TBC1D5: variants seen among roughly 807,000 people sequenced by gnomAD.
TBC1D5 encodes TBC1 domain family member 5, also known as TBC1 domain family, member 5.
In TBC1D5, 75 loss-of-function variants were observed where a neutral mutation model predicts 100.3. The ratio of observed to expected loss-of-function variants is 0.75; its 90% CI spans 0.62 to 0.91. The LOEUF (loss-of-function observed/expected upper bound fraction) is 0.91. Among genes scored for constraint, TBC1D5 ranks in the 40% least tolerant of loss-of-function variants. TBC1D5 has a pLI of 0.00. For synonymous variants in TBC1D5, 323 were observed against 325.6 expected (o/e 0.99, Z 0.09); for missense variants, 910 against 942.4 (o/e 0.97, Z 0.45).
At chr3:17,710,761 A>C (rs2074646768) in intron 1 of TBC1D5, among the ~76,000 whole-genome samples, 1 of 151,934 alleles carries the variant, frequency 6.6e-6, no homozygotes, top group South Asian at 2.1e-4. Flanking sequence ...GCAGTGGCGC[A>C]ATCTCGGCTC....
intron 1 of TBC1D5, among the ~76,000 whole-genome samples, chr3:17,683,762 C>T (rs191737616): frequency 6.6e-6 from 1 of 151,946 alleles, no homozygotes; most frequent in Non-Finnish European, 1.5e-5. Context: ...TTCTTCAACT[C>T]GAAAATGAAC....
intron 15 of TBC1D5, among the ~76,000 whole-genome samples, chr3:17,266,744 C>A (rs2078890724): frequency 6.6e-6 from 1 of 151,978 alleles, no homozygotes; most frequent in Non-Finnish European, 1.5e-5. Context: ...ATTTCAGCAT[C>A]AGGATCAAAA....
At chr3:17,581,986 A>G (rs1229039670) in intron 2 of TBC1D5, among the ~76,000 whole-genome samples, 1 of 152,070 alleles carries the variant, frequency 6.6e-6, no homozygotes, top group East Asian at 1.9e-4. Context: ...CTTTACTCAC[A>G]TGTTACCTTA....
At chr3:17,157,189 T>C (rs2065655400) in exon 22 of TBC1D5, 1 of 152,390 alleles carries the variant, frequency 6.6e-6, no homozygotes. Context: ...TCTTTTATTA[T>C]AACCATATTG....
At chr3:17,286,600 G>C (rs1339651942) in intron 15 of TBC1D5, among the ~76,000 whole-genome samples, 1 of 152,188 alleles carries the variant, frequency 6.6e-6, no homozygotes, top group African/African-American at 2.4e-5. Context: ...ACCATGTGCA[G>C]ACTATAGGAT....
At chr3:17,644,467 C>T (rs2064827175) in intron 1 of TBC1D5, among the ~76,000 whole-genome samples, 1 of 152,100 alleles carries the variant, frequency 6.6e-6, no homozygotes, top group African/African-American at 2.4e-5. Flanking sequence ...ATTCTTCAAA[C>T]TAAAATCACA....
rs144949160 is a variant in TBC1D5, at chr3:17,516,308, C to T, written c.-35-7703G>A. Among the ~76,000 whole-genome samples the T allele has an allele frequency of 5.3e-4, 81 of 152,130 alleles. 2 individuals are homozygous for T. In the East Asian group the frequency reaches 0.015, roughly 29 times the overall value. On this transcript the variant is annotated intron_variant, in intron 2 of 21. Coordinates refer to ENST00000253692, the Ensembl canonical transcript of TBC1D5. ...GAATAAGTTTTTTTTAATGGTTCCC[C>T]TCTATTTATAGCAAGTGCTAATTTG...
At chr3:17,386,729 C>T (rs964233041) in intron 8 of TBC1D5, among the ~76,000 whole-genome samples, 31 of 152,260 alleles carry the variant, frequency 2.0e-4, no homozygotes, top group Middle Eastern at 3.4e-3. Flanking sequence ...GTGCTGGCGT[C>T]TCTGAGCCTA....
chr3:17,556,450 C>T (rs2096521811), intron 2 of TBC1D5, among the ~76,000 whole-genome samples: 1 of 152,186 alleles, frequency 6.6e-6, no homozygotes, highest in Non-Finnish European at 1.5e-5. Context: ...CTCCTCATTG[C>T]TTACCACAGA....
intron 2 of TBC1D5, among the ~76,000 whole-genome samples, chr3:17,620,069 T>A (rs539252088): frequency 6.6e-6 from 1 of 152,274 alleles, no homozygotes; most frequent in African/African-American, 2.4e-5. Flanking sequence ...GAAGGCAAAA[T>A]GTTACAGCCC....
chr3:17,167,649 A>AG, intron 20 of TBC1D5, 100 bp downstream of exon 21: 1 of 1,020,006 alleles, frequency 9.8e-7, no homozygotes, highest in Non-Finnish European at 1.5e-6. Flanking sequence ...AATGAGGGTT[A>AG]GGGGGATGCT....
intron 13 of TBC1D5, among the ~76,000 whole-genome samples, chr3:17,345,805 C>T (rs963016999): frequency 5.3e-5 from 8 of 151,924 alleles, no homozygotes; most frequent in Admixed American, 2.6e-4. Context: ...TCATTCTCAG[C>T]AAACTATCGC....
chr3:17,686,341 TC>T (rs776843378), intron 1 of TBC1D5, among the ~76,000 whole-genome samples: 77 of 152,122 alleles, frequency 5.1e-4, no homozygotes, highest in Non-Finnish European at 8.5e-4. Flanking sequence ...AAATAGTAGA[TC>T]CCAAGTTATG....
At chr3:17,611,591 T>C (rs2061672039) in intron 2 of TBC1D5, among the ~76,000 whole-genome samples, 1 of 152,130 alleles carries the variant, frequency 6.6e-6, no homozygotes, top group African/African-American at 2.4e-5. Context: ...AAGATGAAGA[T>C]GGGGGGACAA....
At chr3:17,485,931 G>T (rs1305390177) in intron 3 of TBC1D5, among the ~76,000 whole-genome samples, 18 of 152,130 alleles carry the variant, frequency 1.2e-4, no homozygotes, top group African/African-American at 2.9e-4. Flanking sequence ...ACTTCCACAA[G>T]GGTTGAACTA....
chr3:17,695,630 C>G (rs138959107), intron 1 of TBC1D5, among the ~76,000 whole-genome samples: 1,689 of 152,246 alleles, frequency 0.011, 25 homozygotes, highest in African/African-American at 0.038. Flanking sequence ...GAGACTTAGA[C>G]TCCCACACAA....
At chr3:17,693,216 T>G (rs1273590034) in intron 1 of TBC1D5, among the ~76,000 whole-genome samples, 1 of 152,156 alleles carries the variant, frequency 6.6e-6, no homozygotes, top group Non-Finnish European at 1.5e-5. Flanking sequence ...ACCTGGTTCA[T>G]CTCATTGGGA....
intron 1 of TBC1D5, among the ~76,000 whole-genome samples, chr3:17,716,577 GTTTTT>G (rs375582099): frequency 0.011 from 1,739 of 152,024 alleles, 25 homozygotes; most frequent in African/African-American, 0.039. Context: ...ATTTCATATA[GTTTTT>G]TTTAACAATG....
chr3:17,609,525 A>G (rs951209220), intron 2 of TBC1D5, among the ~76,000 whole-genome samples: 1 of 151,966 alleles, frequency 6.6e-6, no homozygotes, highest in African/African-American at 2.4e-5. Context: ...TCTTTTTCTA[A>G]TGTCACCACT....
Sources: gnomAD v4.1 joint callset for allele counts (sites outside exome capture counted in the v4.1 genomes callset) on GRCh38, gnomAD v4.1.1 for gene constraint, MANE v1.5 for transcripts, NCBI Gene and HGNC (gene_info 2026-07-23, HGNC 2026-07-21) for gene names.